The following RAB3GAP2 variants were observed in gnomAD, a reference collection of about 807,000 sequenced individuals.
RAB3GAP2 encodes RAB3 GTPase activating non-catalytic protein subunit 2, also known as rab3 GTPase-activating protein non-catalytic subunit.
RAB3GAP2 carries 87 observed loss-of-function variants against 185.3 expected under a neutral mutation model. The observed-to-expected ratio is 0.47, with a 90% confidence interval of 0.39 to 0.56. The LOEUF is 0.56. RAB3GAP2 is among the 20% of genes least tolerant of loss of function. RAB3GAP2 has a pLI of 0.00. For missense variants in RAB3GAP2, 1,492 were observed against 1,638.2 expected (o/e 0.91, Z 1.54); for synonymous variants, 554 against 576.1 (o/e 0.96, Z 0.55).
rs1659693132 is a variant in RAB3GAP2, at chr1:220,241,289, C to T, written c.116-8426G>A. Among the ~76,000 whole-genome samples, 2 of 152,000 alleles carry T rather than the reference C, an allele frequency of 1.3e-5. 1 individual carries two copies. The highest frequency in any genetic ancestry group is 4.1e-4 in the South Asian group (2 of 4,824). Reference sequence around the variant, plus strand: ...TTCTAGAAGTGGGCAATTGATTTGACAGTATTTGCTTTTTCCAATATGAGT... The same window carrying T: ...TTCTAGAAGTGGGCAATTGATTTGATAGTATTTGCTTTTTCCAATATGAGT... On this transcript the variant is annotated intron_variant, in intron 1 of 34. Coordinates refer to ENST00000358951, the MANE Select transcript of RAB3GAP2 (RefSeq NM_012414.4).
In RAB3GAP2 at chr1:220,210,400, G is replaced by A. The variant is rs200360128; in HGVS notation, c.600C>T (p.Gly200=). ...TTTTTTACACTACCTGCTCAGTCAC[G>A]CCGGGATGTCGTGGTATTTCATAGG... ...CRTYEIPRHP[G]VTEQNEELSI... is the part of the protein sequence containing the mutation. The change falls in exon 7 of 35, where the codon GGC becomes GGT. Residue 200 remains glycine (G), a synonymous_variant. Transcript: ENST00000358951. 1.7e-5 allele frequency: 27 copies of A among 1,613,430 alleles called. No individual in the cohort carries two copies. The highest frequency in any genetic ancestry group is 2.0e-5 in the Non-Finnish European group (24 of 1,179,550).
rs1422097424 is a variant in RAB3GAP2, at chr1:220,150,178, G to A, written c.*1073C>T. On this transcript the variant is annotated 3_prime_UTR_variant, in exon 35 of 35. Transcript: ENST00000358951. ...TGGCCTCAAACTCCTGGGCTCAAGCGATCCTCCTCCAGCCTCCCGAGTAGC... is the reference window on the plus strand; with the variant it reads ...TGGCCTCAAACTCCTGGGCTCAAGCAATCCTCCTCCAGCCTCCCGAGTAGC... 1.3e-5 allele frequency: 2 copies of A among 149,356 alleles called. No homozygotes were observed. Among genetic ancestry groups the A allele is most frequent in the African/African-American group, 2.5e-5 (1 of 40,518 alleles). 9.3% of individuals were successfully genotyped at this position (149,356 alleles called of 1,614,324 possible).
chr1:220,177,122 T>C lies in RAB3GAP2; in HGVS notation c.2311-4380A>G, dbSNP rs558569643. Among the ~76,000 whole-genome samples, 24 of 152,370 alleles carry C rather than the reference T, an allele frequency of 1.6e-4. No individual in the cohort carries two copies. The East Asian group carries it at 4.4e-3, about 28-fold the overall frequency. ...TGTCGGGGCCACCAGGACAGACTTC[T>C]GGACCCAGGTCCCTGGCCAGTATTC... On this transcript the variant is annotated intron_variant, in intron 21 of 34. Transcript: ENST00000358951.
rs144086292 is a variant in RAB3GAP2, at chr1:220,237,049, T to C, written c.116-4186A>G. 5.0e-3 allele frequency among the ~76,000 whole-genome samples: 755 copies of C among 152,310 alleles called. 3 individuals are homozygous for C. Among genetic ancestry groups the C allele is most frequent in the African/African-American group, 0.017 (712 of 41,564 alleles). ...CATGATTGTTTCTTAGAAGAATAAA[T>C]AGATCAATATCTTTTATAAGACAGG... On this transcript the variant is annotated intron_variant, in intron 1 of 34. Coordinates refer to ENST00000358951, the MANE Select transcript of RAB3GAP2 (RefSeq NM_012414.4).
chr1:220,252,808 C>G (rs957152887), intron 1 of RAB3GAP2, among the ~76,000 whole-genome samples: 6 of 152,070 alleles, frequency 3.9e-5, no homozygotes, highest in African/African-American at 1.4e-4. Context: ...ACACAGAGAA[C>G]CATGAGTTTT....
intron 2 of RAB3GAP2, among the ~76,000 whole-genome samples, chr1:220,228,840 A>G (rs374980762): frequency 7.2e-5 from 11 of 152,220 alleles, no homozygotes; most frequent in African/African-American, 2.7e-4. Flanking sequence ...GAGCAAATCT[A>G]TCAAGACAAA....
chr1:220,164,646 G>C, intron 27 of RAB3GAP2, 87 bp downstream of exon 27: 1 of 1,519,232 alleles, frequency 6.6e-7, no homozygotes, highest in Non-Finnish European at 8.9e-7. Flanking sequence ...AAATTTAATA[G>C]GTTGTAAATC....
At position 220,182,702 on chromosome 1, in the gene RAB3GAP2, G is replaced by C; in HGVS notation, c.2212+16C>G. ...AAAGAAGAGGCATACAAAGACCAGT[G>C]TATTATTTTACCTACCTAAAGCCAC... On this transcript the variant is annotated intron_variant, in intron 20 of 34. Coordinates refer to ENST00000358951, the MANE Select transcript of RAB3GAP2 (RefSeq NM_012414.4). 1 of 1,537,148 alleles carries C rather than the reference G, an allele frequency of 6.5e-7. No individual in the cohort carries two copies.
In RAB3GAP2 at chr1:220,249,380, T is replaced by C. The variant is rs1032766125; in HGVS notation, c.116-16517A>G. Reference sequence around the variant, plus strand: ...AGAAAAGGTCACTCTTGTTATACTTTAGCAAAAAGACTGGCAGCATTTTGC... The same window carrying C: ...AGAAAAGGTCACTCTTGTTATACTTCAGCAAAAAGACTGGCAGCATTTTGC... On this transcript the variant is annotated intron_variant, in intron 1 of 34. Transcript: ENST00000358951. Among the ~76,000 whole-genome samples, 4 of 152,184 alleles carry C rather than the reference T, an allele frequency of 2.6e-5. No homozygotes were observed. The South Asian group carries it at 6.2e-4, about 24-fold the overall frequency.
chr1:220,172,600 C>A (rs539872014), intron 22 of RAB3GAP2, 37 bp downstream of exon 22: 5 of 1,420,126 alleles, frequency 3.5e-6, no homozygotes, highest in South Asian at 3.4e-5. Flanking sequence ...ATTTCAAACA[C>A]GAAACTTTGT....
In RAB3GAP2 at chr1:220,190,381, G is replaced by A. The variant is rs1345919085; in HGVS notation, c.1627C>T (p.Leu543=). ...KTVNVPFHLA[L]SDKKSERAKD... is the part of the protein sequence containing the mutation. ...GCAACACTGGACACACCTTACCTCA[G>A]TGCTAAATGGAAGGGAACGTTCACT... The change falls in exon 15 of 35, where the codon CTG becomes TTG. Residue 543 remains leucine, a synonymous_variant. Coordinates refer to ENST00000358951, the MANE Select transcript of RAB3GAP2 (RefSeq NM_012414.4). 6.2e-7 allele frequency: 1 copy of A among 1,614,072 alleles called. No individual in the cohort carries two copies. Among genetic ancestry groups the A allele is most frequent in the Non-Finnish European group, 8.5e-7 (1 of 1,179,970 alleles).
chr1:220,167,741 A>G, intron 24 of RAB3GAP2, 66 bp from the exon 25 acceptor site: 1 of 1,502,962 alleles, frequency 6.7e-7, no homozygotes, highest in Non-Finnish European at 9.2e-7. Flanking sequence ...TGCCAATGGG[A>G]GCCAATTTCC....
At chr1:220,267,754 GCGAAGAATTT>G in intron 1 of RAB3GAP2, 1 of 1,544,888 alleles carries the variant, frequency 6.5e-7, no homozygotes, top group South Asian at 1.1e-5. Context: ...GGAACACGCT[GCGAAGAATTT>G]GAAGGACACA....
At position 220,227,972 on chromosome 1, in the gene RAB3GAP2, C is replaced by T. The variant is rs549734049; in HGVS notation, c.180+4827G>A. On this transcript the variant is annotated intron_variant, in intron 2 of 34. Coordinates refer to ENST00000358951, the MANE Select transcript of RAB3GAP2 (RefSeq NM_012414.4). The stretch of plus-strand genomic sequence containing the variant: ...TTTGCCACGTTGGCCAGACTGGTCT[C>T]GTACTCCTGACCTCAAGTGATCTGA... 5.7e-4 allele frequency among the ~76,000 whole-genome samples: 87 copies of T among 152,292 alleles called. No homozygotes were observed. In the South Asian group the frequency reaches 7.2e-3, roughly 13 times the overall value.
At chr1:220,245,173 G>A (rs1039134131) in intron 1 of RAB3GAP2, among the ~76,000 whole-genome samples, 4 of 152,150 alleles carry the variant, frequency 2.6e-5, no homozygotes, top group African/African-American at 9.7e-5. Context: ...AGCCAAGATG[G>A]CCGAATAGGA....
At chr1:220,213,009 A>G (rs1659111615) in intron 3 of RAB3GAP2, 41 bp from the exon 4 acceptor site, 1 of 1,418,372 alleles carries the variant, frequency 7.1e-7, no homozygotes, top group Admixed American at 1.8e-5. Flanking sequence ...TTTTAGCTAT[A>G]ATACACTAAA....
intron 7 of RAB3GAP2, among the ~76,000 whole-genome samples, chr1:220,206,399 G>C (rs76351579): frequency 0.069 from 10,502 of 152,216 alleles, 486 homozygotes; most frequent in South Asian, 0.12. Flanking sequence ...TAAGGCTATA[G>C]CACATATAGT....
chr1:220,241,588 A>G (rs866522760), intron 1 of RAB3GAP2, among the ~76,000 whole-genome samples: 1 of 152,176 alleles, frequency 6.6e-6, no homozygotes, highest in South Asian at 2.1e-4. Context: ...CAGCAGTACA[A>G]AGCTAAAAGA....
chr1:220,218,363 T>TA (rs1659238179), intron 2 of RAB3GAP2, among the ~76,000 whole-genome samples: 1 of 152,124 alleles, frequency 6.6e-6, no homozygotes, highest in African/African-American at 2.4e-5. Flanking sequence ...GGTTAGAAAA[T>TA]ACGATAATAT....
Sources: gnomAD v4.1 joint callset for allele counts (sites outside exome capture counted in the v4.1 genomes callset) on GRCh38, gnomAD v4.1.1 for gene constraint, MANE v1.5 for transcripts, NCBI Gene and HGNC (gene_info 2026-07-23, HGNC 2026-07-21) for gene names.